The following METTL15 variants were observed in gnomAD, a reference collection of about 807,000 sequenced individuals.
METTL15 encodes methyltransferase 15, mitochondrial 12S rRNA N4-cytidine, also known as 12S rRNA N(4)-cytidine methyltransferase METTL15.
Under a neutral mutation model 38.3 loss-of-function variants are expected in METTL15, and 34 were observed. That is an observed-to-expected ratio of 0.89 (90% CI 0.68 to 1.18). The LOEUF (loss-of-function observed/expected upper bound fraction) is 1.18. Among genes scored for constraint, METTL15 ranks in the 50% most tolerant of loss-of-function variants. The pLI is 0.00. For missense variants in METTL15, 438 were observed against 498.4 expected (o/e 0.88, Z 1.15); for synonymous variants, 162 against 170.9 (o/e 0.95, Z 0.41).
chr11:28,395,389 T>C (rs1328070733), intron 5 of METTL15, among the ~76,000 whole-genome samples: 1 of 152,084 alleles, frequency 6.6e-6, no homozygotes. Flanking sequence ...GTATAATCCT[T>C]GGAGACTGAA....
chr11:28,450,967 A>C (rs978681386), intron 6 of METTL15, among the ~76,000 whole-genome samples: 10 of 152,216 alleles, frequency 6.6e-5, no homozygotes, highest in Admixed American at 5.2e-4. Flanking sequence ...CATGGCTCAA[A>C]CAGGTTAAGC....
At chr11:28,492,190 G>A (rs573373914) in intron 6 of METTL15, among the ~76,000 whole-genome samples, 58 of 152,204 alleles carry the variant, frequency 3.8e-4, no homozygotes, top group African/African-American at 1.3e-3. Context: ...AACATTTCTA[G>A]GGCTAGTCTA....
chr11:28,434,631 T>C (rs931995280), intron 6 of METTL15, among the ~76,000 whole-genome samples: 4 of 152,236 alleles, frequency 2.6e-5, no homozygotes, highest in African/African-American at 9.6e-5. Context: ...AGATGGTAAA[T>C]GGATTTCATC....
intron 5 of METTL15, among the ~76,000 whole-genome samples, chr11:28,421,222 A>G (rs994815533): frequency 6.6e-6 from 1 of 151,984 alleles, no homozygotes; most frequent in Non-Finnish European, 1.5e-5. Flanking sequence ...ATAATAAAAA[A>G]CATCTCCCAG....
At chr11:28,202,728 A>C (rs994959838) in intron 3 of METTL15, among the ~76,000 whole-genome samples, 1 of 152,122 alleles carries the variant, frequency 6.6e-6, no homozygotes. Flanking sequence ...CAATTCTAAA[A>C]ATTCAAATTA....
chr11:28,218,147 A>G lies in METTL15; in HGVS notation c.407+6949A>G, dbSNP rs1310072292. 9.2e-5 allele frequency among the ~76,000 whole-genome samples: 14 copies of G among 152,118 alleles called. No homozygotes were observed. In the East Asian group the frequency reaches 2.5e-3, roughly 27 times the overall value. On this transcript the variant is annotated intron_variant, in intron 4 of 6. Transcript: ENST00000407364. ...GCATTGAATCTATAAATTACCTTGGATAGTGTGGCCATTTTCACTATATTG... is the reference window on the plus strand; with the variant it reads ...GCATTGAATCTATAAATTACCTTGGGTAGTGTGGCCATTTTCACTATATTG...
At chr11:28,284,925 T>C (rs1240899952) in intron 4 of METTL15, among the ~76,000 whole-genome samples, 10 of 152,130 alleles carry the variant, frequency 6.6e-5, no homozygotes, top group Non-Finnish European at 1.0e-4. Context: ...CCTCAAATTG[T>C]AATCTCCATA....
chr11:28,208,568 GA>G (rs1435998814), intron 3 of METTL15, among the ~76,000 whole-genome samples: 8 of 151,970 alleles, frequency 5.3e-5, no homozygotes, highest in African/African-American at 1.9e-4. Flanking sequence ...GTGTGGTGCT[GA>G]AAAAAATGTA....
At chr11:28,167,419 G>C (rs1006519971) in intron 3 of METTL15, among the ~76,000 whole-genome samples, 1 of 152,148 alleles carries the variant, frequency 6.6e-6, no homozygotes, top group Admixed American at 6.6e-5. Flanking sequence ...TTGCGAATCT[G>C]TCACTGGTTC....
chr11:28,238,895 C>T (rs781681583), intron 4 of METTL15, among the ~76,000 whole-genome samples: 1 of 152,208 alleles, frequency 6.6e-6, no homozygotes, highest in South Asian at 2.1e-4. Context: ...TAGATAAACA[C>T]ATAAGCCATC....
intron 6 of METTL15, among the ~76,000 whole-genome samples, chr11:28,483,331 T>A (rs749413878): frequency 6.6e-6 from 1 of 152,184 alleles, no homozygotes; most frequent in Non-Finnish European, 1.5e-5. Flanking sequence ...CTAATTGATG[T>A]TCATAGCTCC....
chr11:28,512,542 G>A (rs972249185), intron 6 of METTL15, among the ~76,000 whole-genome samples: 1 of 152,222 alleles, frequency 6.6e-6, no homozygotes, highest in South Asian at 2.1e-4. Flanking sequence ...ACTGCTGGGG[G>A]ACCCAGTACA....
intron 5 of METTL15, among the ~76,000 whole-genome samples, chr11:28,408,606 T>A (rs961703948): frequency 2.6e-5 from 4 of 152,156 alleles, no homozygotes; most frequent in Non-Finnish European, 5.9e-5. Flanking sequence ...AAATAAATGA[T>A]CATATGGTAA....
chr11:28,209,644 G>A (rs1012108435), intron 3 of METTL15, among the ~76,000 whole-genome samples: 2 of 151,834 alleles, frequency 1.3e-5, no homozygotes, highest in African/African-American at 4.8e-5. Flanking sequence ...TTGATCAGAC[G>A]ATTTCCTCCA....
chr11:28,171,520 C>G (rs1028213585), intron 3 of METTL15, among the ~76,000 whole-genome samples: 3 of 152,050 alleles, frequency 2.0e-5, no homozygotes, highest in Admixed American at 2.0e-4. Context: ...GTAGGTAATT[C>G]TGACTTTATT....
rs2134065991 is a variant in METTL15, at chr11:28,331,578, A to C, written c.*737A>C. Reference sequence around the variant, plus strand: ...AGTAAGTAATAAAGTCTCTTATTAGAATCTTGTATTTTTTAATTGAGCTAA... The same window carrying C: ...AGTAAGTAATAAAGTCTCTTATTAGCATCTTGTATTTTTTAATTGAGCTAA... On this transcript the variant is annotated 3_prime_UTR_variant, in exon 7 of 7. Transcript: ENST00000407364. The C allele has an allele frequency of 6.6e-6, 1 of 151,764 alleles. No homozygotes were observed. The highest frequency in any genetic ancestry group is 1.9e-4 in the East Asian group (1 of 5,148). The allele number at this position is 151,764 out of a possible 1,614,324, so 9.4% of individuals were successfully genotyped here.
chr11:28,364,910 CTT>C (rs772280304), intron 5 of METTL15, among the ~76,000 whole-genome samples: 16 of 152,204 alleles, frequency 1.1e-4, no homozygotes, highest in Non-Finnish European at 1.8e-4. Flanking sequence ...TTAAAGAAGA[CTT>C]TTTCTGTGTC....
At chr11:28,149,160 C>A (rs1228045030) in intron 3 of METTL15, among the ~76,000 whole-genome samples, 1 of 151,166 alleles carries the variant, frequency 6.6e-6, no homozygotes, top group Middle Eastern at 3.2e-3. Flanking sequence ...TTTATCATCA[C>A]ATCTTCTGGA....
downstream of METTL15, among the ~76,000 whole-genome samples, chr11:28,527,345 G>T (rs1232411329): frequency 1.3e-5 from 2 of 152,180 alleles, no homozygotes; most frequent in African/African-American, 4.8e-5. Context: ...AAATGGCTTT[G>T]TTATCTTGGG....
Sources: gnomAD v4.1 joint callset for allele counts (sites outside exome capture counted in the v4.1 genomes callset) on GRCh38, gnomAD v4.1.1 for gene constraint, MANE v1.5 for transcripts, NCBI Gene and HGNC (gene_info 2026-07-23, HGNC 2026-07-21) for gene names.